Variants in GLT1D1 observed in about 807,000 individuals in gnomAD.
The protein encoded by GLT1D1 is glycosyltransferase 1 domain containing 1, also known as glycosyltransferase 1 domain-containing protein 1.
A neutral mutation model predicts 28.7 loss-of-function variants in GLT1D1; 21 were observed. The observed-to-expected ratio is 0.73, with a 90% confidence interval of 0.52 to 1.05. GLT1D1 has a LOEUF of 1.05. Among genes scored for constraint, GLT1D1 ranks in the 50% least tolerant of loss-of-function variants. The pLI, the probability that GLT1D1 is intolerant of heterozygous loss-of-function variation, is 0.00. For synonymous variants in GLT1D1, 147 were observed against 124.8 expected, an observed-to-expected ratio of 1.18 and a Z score of -1.19; for missense variants, 343 against 330.6, an observed-to-expected ratio of 1.04 and a Z score of -0.29.
intron 7 of GLT1D1, among the ~76,000 whole-genome samples, chr12:128,967,691 C>T (rs1186081159): frequency 6.6e-6 from 1 of 152,268 alleles, no homozygotes; most frequent in Non-Finnish European, 1.5e-5. Context: ...ATTCCCGTCT[C>T]ACTCTTACTT....
chr12:128,959,334 C>CTT (rs1380559692), intron 7 of GLT1D1, among the ~76,000 whole-genome samples: 2 of 147,926 alleles, frequency 1.4e-5, no homozygotes, highest in Non-Finnish European at 3.0e-5. Flanking sequence ...ACGTGTCATG[C>CTT]TTTTCACTGC....
intron 7 of GLT1D1, among the ~76,000 whole-genome samples, chr12:128,970,815 A>C (rs1303558215): frequency 6.6e-6 from 1 of 152,018 alleles, no homozygotes; most frequent in Non-Finnish European, 1.5e-5. Context: ...TGTACACTGC[A>C]CTCTTTGCCA....
chr12:128,902,653 G>A (rs7134413), intron 4 of GLT1D1, among the ~76,000 whole-genome samples: 18,712 of 151,528 alleles, frequency 0.12, 1,455 homozygotes, highest in South Asian at 0.26. Flanking sequence ...GCAAGAGGCA[G>A]GATTTTCTTT....
intron 5 of GLT1D1, among the ~76,000 whole-genome samples, chr12:128,945,738 G>C (rs1028622161): frequency 2.0e-5 from 3 of 152,188 alleles, no homozygotes; most frequent in Non-Finnish European, 4.4e-5. Context: ...GCACAGGCTT[G>C]AACAGATTGA....
chr12:128,880,347 A>T lies in GLT1D1; in HGVS notation c.217+4285A>T, dbSNP rs111881634. 5.3e-3 allele frequency among the ~76,000 whole-genome samples: 804 copies of T among 152,350 alleles called. 4 individuals are homozygous for T. The highest frequency in any genetic ancestry group is 0.018 in the African/African-American group (758 of 41,582). On this transcript the variant is annotated intron_variant, in intron 2 of 7. Coordinates refer to ENST00000281703, the MANE Select transcript of GLT1D1 (RefSeq NM_144669.3). Reference sequence around the variant, plus strand: ...AGGAAAAAAATCAATTACATTGCTCAATCTAATAAATATCGAGAACTGAAG... The same window carrying T: ...AGGAAAAAAATCAATTACATTGCTCTATCTAATAAATATCGAGAACTGAAG...
chr12:128,864,751 TG>T (rs77351423), intron 1 of GLT1D1, among the ~76,000 whole-genome samples: 12,327 of 151,432 alleles, frequency 0.081, 1,223 homozygotes, highest in African/African-American at 0.23. Flanking sequence ...GGCATGACTG[TG>T]GGGGTGGTTA....
intron 7 of GLT1D1, among the ~76,000 whole-genome samples, chr12:128,974,789 C>T (rs1355946702): frequency 3.3e-5 from 5 of 152,258 alleles, no homozygotes; most frequent in African/African-American, 1.2e-4. Context: ...GTCCTGAATT[C>T]TGAAGCCTCA....
intron 6 of GLT1D1, among the ~76,000 whole-genome samples, chr12:128,951,037 A>G (rs1876641460): frequency 6.6e-6 from 1 of 152,190 alleles, no homozygotes. Flanking sequence ...CTCACCACAC[A>G]AAACAAGTAT....
chr12:128,924,201 C>T (rs750590142), intron 4 of GLT1D1, among the ~76,000 whole-genome samples: 2 of 151,984 alleles, frequency 1.3e-5, no homozygotes, highest in East Asian at 2.0e-4. Context: ...CCAAGGTGGG[C>T]GGATCACTTG....
At chr12:128,856,297 A>T (rs1956221734) in intron 1 of GLT1D1, among the ~76,000 whole-genome samples, 3 of 151,762 alleles carry the variant, frequency 2.0e-5, no homozygotes, top group Non-Finnish European at 4.4e-5. Flanking sequence ...GGTCTTTATC[A>T]CCTTGTATCT....
chr12:128,870,520 A>G (rs578247688), intron 1 of GLT1D1, among the ~76,000 whole-genome samples: 2 of 152,302 alleles, frequency 1.3e-5, no homozygotes, highest in Admixed American at 1.3e-4. Flanking sequence ...TGCTTAGTGA[A>G]TTTATTAGTT....
intron 3 of GLT1D1, 46 bp from the exon 4 acceptor site, chr12:128,899,190 T>C: frequency 7.0e-7 from 1 of 1,432,944 alleles, no homozygotes; most frequent in Non-Finnish European, 9.8e-7. Flanking sequence ...GTTCTTTTAA[T>C]TGAATTCTGG....
intron 1 of GLT1D1, among the ~76,000 whole-genome samples, chr12:128,868,010 G>T (rs1435783271): frequency 6.6e-6 from 1 of 152,212 alleles, no homozygotes; most frequent in Admixed American, 6.5e-5. Context: ...TAATTGAATT[G>T]AAAGCTAAGT....
chr12:128,952,134 G>A (rs622250), intron 6 of GLT1D1, among the ~76,000 whole-genome samples: 112,841 of 151,994 alleles, frequency 0.74, 42,823 homozygotes, highest in East Asian at 0.93. Context: ...CATGGAAGCC[G>A]TGTCCTTGTG....
intron 4 of GLT1D1, among the ~76,000 whole-genome samples, chr12:128,937,670 G>C (rs556386892): frequency 6.6e-6 from 1 of 152,030 alleles, no homozygotes; most frequent in Non-Finnish European, 1.5e-5. Context: ...TGATCTCCAC[G>C]TGTCATGGGA....
chr12:128,858,239 C>T (rs1465686910), intron 1 of GLT1D1, among the ~76,000 whole-genome samples: 2 of 152,226 alleles, frequency 1.3e-5, no homozygotes, highest in Admixed American at 6.5e-5. Context: ...TATATCGTGA[C>T]TTACCTTCCA....
intron 4 of GLT1D1, among the ~76,000 whole-genome samples, chr12:128,910,434 G>A (rs1871390313): frequency 6.6e-6 from 1 of 151,864 alleles, no homozygotes; most frequent in Admixed American, 6.6e-5. Flanking sequence ...ATCTGTTATT[G>A]TCAAACACTT....
chr12:128,940,050 G>A (rs918680518), intron 4 of GLT1D1, among the ~76,000 whole-genome samples: 7 of 152,012 alleles, frequency 4.6e-5, no homozygotes, highest in Non-Finnish European at 1.0e-4. Context: ...GGTGCCGTCT[G>A]TAGCTCTCAA....
In GLT1D1 at chr12:128,978,359, G is replaced by T. The variant is rs529316428; in HGVS notation, c.640-4570G>T. ...GGTGTCAGATTCCAGAGCCATGGCT[G>T]ATGTCCGGCATGGCATGTCAGGGCG... is the stretch of plus-strand genomic sequence containing the variant. On this transcript the variant is annotated intron_variant, in intron 7 of 7. Coordinates refer to ENST00000281703, the MANE Select transcript of GLT1D1 (RefSeq NM_144669.3). Among the ~76,000 whole-genome samples, 223 of 152,254 alleles carry T rather than the reference G, an allele frequency of 1.5e-3. 1 individual carries two copies. The highest frequency in any genetic ancestry group is 5.1e-3 in the African/African-American group (214 of 41,556).
Sources: allele counts gnomAD v4.1 joint callset (sites outside exome capture counted in the v4.1 genomes callset), GRCh38; gene constraint gnomAD v4.1.1; transcripts MANE v1.5; gene names NCBI Gene and HGNC (gene_info 2026-07-23, HGNC 2026-07-21).